Variants in DKK2 observed in about 807,000 individuals in gnomAD.
The protein encoded by DKK2 is dickkopf Wnt signaling pathway inhibitor 2.
In DKK2, 11 loss-of-function variants were observed where a neutral mutation model predicts 28.1. The ratio of observed to expected loss-of-function variants is 0.39; its 90% CI spans 0.25 to 0.65. The LOEUF is 0.65. Among genes scored for constraint, DKK2 ranks in the 30% least tolerant of loss-of-function variants. DKK2 has a pLI of 0.47. For synonymous variants in DKK2, 135 were observed against 126.5 expected (o/e 1.07, Z -0.45); for missense variants, 326 against 335.5 (o/e 0.97, Z 0.22).
At chr4:106,980,110 A>G (rs1015967538) in intron 1 of DKK2, among the ~76,000 whole-genome samples, 4 of 152,170 alleles carry the variant, frequency 2.6e-5, no homozygotes, top group Non-Finnish European at 5.9e-5. Context: ...TTTAATTTAA[A>G]CAAGGCAATT....
At chr4:107,005,372 AG>A (rs1366851386) in intron 1 of DKK2, among the ~76,000 whole-genome samples, 1 of 151,736 alleles carries the variant, frequency 6.6e-6, no homozygotes, top group African/African-American at 2.4e-5. Context: ...CAAAAACAAA[AG>A]ATGATTATTT....
intron 1 of DKK2, among the ~76,000 whole-genome samples, chr4:107,023,844 AG>A (rs1723731096): frequency 6.6e-6 from 1 of 152,148 alleles, no homozygotes; most frequent in Non-Finnish European, 1.5e-5. Context: ...GAATCACACT[AG>A]TTCTCTGAAC....
intron 1 of DKK2, among the ~76,000 whole-genome samples, chr4:106,956,432 C>T (rs939822765): frequency 1.3e-5 from 2 of 152,198 alleles, no homozygotes; most frequent in African/African-American, 4.8e-5. Context: ...AAAAAAGAGC[C>T]TGCATCGCCA....
intron 1 of DKK2, among the ~76,000 whole-genome samples, chr4:106,980,583 G>GTTTT (rs1249032606): frequency 6.6e-6 from 1 of 152,044 alleles, no homozygotes; most frequent in Non-Finnish European, 1.5e-5. Flanking sequence ...TTGTTTGTTT[G>GTTTT]TTTTGGATGT....
chr4:107,010,609 A>G (rs1030645278), intron 1 of DKK2, among the ~76,000 whole-genome samples: 3 of 148,472 alleles, frequency 2.0e-5, no homozygotes, highest in Non-Finnish European at 3.0e-5. Flanking sequence ...CACCAAACTA[A>G]AAAAAAGGGA....
chr4:106,932,510 A>G lies in DKK2; in HGVS notation c.223-6561T>C, dbSNP rs982534005. 5.9e-5 allele frequency among the ~76,000 whole-genome samples: 9 copies of G among 152,250 alleles called. 1 individual carries two copies. The highest frequency in any genetic ancestry group is 5.9e-4 in the Admixed American group (9 of 15,296). ...TCATGGGATGAATGGAGAGAGCTAAACTTTTCCATATGGTCTCAGCTCCTA... is the reference window on the plus strand; with the variant it reads ...TCATGGGATGAATGGAGAGAGCTAAGCTTTTCCATATGGTCTCAGCTCCTA... On this transcript the variant is annotated intron_variant, in intron 1 of 3. Coordinates refer to ENST00000285311, the MANE Select transcript of DKK2 (RefSeq NM_014421.3).
At chr4:106,943,483 A>T (rs1050621624) in intron 1 of DKK2, among the ~76,000 whole-genome samples, 2 of 152,172 alleles carry the variant, frequency 1.3e-5, no homozygotes, top group Admixed American at 1.3e-4. Flanking sequence ...ATTGAAAATT[A>T]AAGAGTTGAC....
At chr4:107,005,028 C>T (rs1368161349) in intron 1 of DKK2, among the ~76,000 whole-genome samples, 2 of 152,044 alleles carry the variant, frequency 1.3e-5, no homozygotes, top group African/African-American at 2.4e-5. Flanking sequence ...TTGATTTTAG[C>T]CCAGTGAGAT....
chr4:106,943,391 C>T (rs1724730103), intron 1 of DKK2, among the ~76,000 whole-genome samples: 3 of 152,026 alleles, frequency 2.0e-5, no homozygotes, highest in Admixed American at 2.0e-4. Flanking sequence ...AAATTTGTTG[C>T]AACAGTGGTT....
chr4:107,034,211 G>T (rs557401357), intron 1 of DKK2, among the ~76,000 whole-genome samples: 1 of 152,060 alleles, frequency 6.6e-6, no homozygotes, highest in East Asian at 1.9e-4. Flanking sequence ...CTGCGCTGTG[G>T]ACAGGGGCGG....
chr4:107,005,167 C>T (rs1377382559), intron 1 of DKK2, among the ~76,000 whole-genome samples: 4 of 151,690 alleles, frequency 2.6e-5, no homozygotes, highest in East Asian at 2.0e-4. Flanking sequence ...ACGGTGAAAC[C>T]CGTCTCTACT....
chr4:106,962,814 G>C (rs1722711861), intron 1 of DKK2, among the ~76,000 whole-genome samples: 1 of 151,880 alleles, frequency 6.6e-6, no homozygotes, highest in Non-Finnish European at 1.5e-5. Context: ...ACAAAGTGAA[G>C]AGATAACACG....
chr4:107,033,524 C>T (rs1224965033), intron 1 of DKK2, among the ~76,000 whole-genome samples: 1 of 152,116 alleles, frequency 6.6e-6, no homozygotes, highest in African/African-American at 2.4e-5. Context: ...AACGCTAAGG[C>T]TAATGAAACG....
chr4:106,969,775 A>G (rs1722838631), intron 1 of DKK2, among the ~76,000 whole-genome samples: 1 of 152,136 alleles, frequency 6.6e-6, no homozygotes, highest in African/African-American at 2.4e-5. Flanking sequence ...AAAGGAAGAA[A>G]TGGAGCTGTG....
chr4:107,012,071 T>G (rs1007797830), intron 1 of DKK2, among the ~76,000 whole-genome samples: 1 of 151,244 alleles, frequency 6.6e-6, no homozygotes, highest in African/African-American at 2.4e-5. Flanking sequence ...AGCTTGCCAT[T>G]TAAATAACAA....
At chr4:106,934,810 G>A (rs376747420) in intron 1 of DKK2, among the ~76,000 whole-genome samples, 4 of 152,202 alleles carry the variant, frequency 2.6e-5, no homozygotes, top group East Asian at 1.9e-4. Flanking sequence ...TATAATCCTC[G>A]ATATTCATTC....
At chr4:107,035,031 T>C (rs1393894701) in intron 1 of DKK2, among the ~76,000 whole-genome samples, 1 of 152,208 alleles carries the variant, frequency 6.6e-6, no homozygotes, top group African/African-American at 2.4e-5. Context: ...ATAGGTTAAA[T>C]GCTATTAACA....
At chr4:106,939,765 A>T (rs914749892) in intron 1 of DKK2, among the ~76,000 whole-genome samples, 1 of 152,244 alleles carries the variant, frequency 6.6e-6, no homozygotes, top group African/African-American at 2.4e-5. Context: ...ACAGAGATAT[A>T]GATCAATGGA....
At chr4:106,957,375 C>G (rs2110348911) in intron 1 of DKK2, among the ~76,000 whole-genome samples, 1 of 152,028 alleles carries the variant, frequency 6.6e-6, no homozygotes, top group South Asian at 2.1e-4. Flanking sequence ...ACTAGAAATA[C>G]CATTTGACCC....
Sources: gnomAD v4.1 joint callset for allele counts (sites outside exome capture counted in the v4.1 genomes callset) on GRCh38, gnomAD v4.1.1 for gene constraint, MANE v1.5 for transcripts, NCBI Gene and HGNC (gene_info 2026-07-23, HGNC 2026-07-21) for gene names.